TAFA2: variants seen among roughly 807,000 people sequenced by gnomAD.
The protein encoded by TAFA2 is chemokine-like protein TAFA-2.
In TAFA2, 7 loss-of-function variants were observed where a neutral mutation model predicts 18.8. The ratio of observed to expected loss-of-function variants is 0.37; its 90% CI spans 0.21 to 0.70. TAFA2 has a LOEUF of 0.70. TAFA2 is among the 30% of genes least tolerant of loss of function. TAFA2 has a pLI of 0.53. For synonymous variants in TAFA2, 60 were observed against 54.2 expected, an observed-to-expected ratio of 1.11 and a Z score of -0.47; for missense variants, 122 against 158.1, an observed-to-expected ratio of 0.77 and a Z score of 1.23.
At chr12:61,852,931 G>A (rs1010117763) in intron 2 of TAFA2, among the ~76,000 whole-genome samples, 4 of 151,960 alleles carry the variant, frequency 2.6e-5, no homozygotes, top group Non-Finnish European at 4.4e-5. Flanking sequence ...CTGGTCAAAG[G>A]GTACAAACCT....
At chr12:62,234,477 A>G in intron 1 of TAFA2, 1 of 1,070,758 alleles carries the variant, frequency 9.3e-7, no homozygotes, top group Non-Finnish European at 1.4e-6. Context: ...GTTGCTTGAG[A>G]TGGTCAGACC....
chr12:62,239,593 T>C (rs925156103), intron 1 of TAFA2, among the ~76,000 whole-genome samples: 1 of 152,198 alleles, frequency 6.6e-6, no homozygotes, highest in Non-Finnish European at 1.5e-5. Context: ...TATGCACTTC[T>C]ACCTTGTTTT....
intron 1 of TAFA2, among the ~76,000 whole-genome samples, chr12:62,240,119 A>C (rs926306675): frequency 3.3e-5 from 5 of 151,566 alleles, no homozygotes; most frequent in Non-Finnish European, 7.4e-5. Flanking sequence ...TATAATGATA[A>C]TAATAAAAAC....
intron 1 of TAFA2, among the ~76,000 whole-genome samples, chr12:62,094,228 C>T (rs1042282361): frequency 6.6e-6 from 1 of 151,912 alleles, no homozygotes; most frequent in Admixed American, 6.6e-5. Context: ...AGCCTCACTC[C>T]GGAATGGAAA....
At chr12:61,974,783 C>T (rs1879370730) in intron 1 of TAFA2, among the ~76,000 whole-genome samples, 1 of 151,660 alleles carries the variant, frequency 6.6e-6, no homozygotes, top group Non-Finnish European at 1.5e-5. Context: ...AATCTGTGTG[C>T]TACAAAAAGG....
chr12:61,864,735 T>C (rs937626880), intron 2 of TAFA2, among the ~76,000 whole-genome samples: 13 of 133,294 alleles, frequency 9.8e-5, no homozygotes, highest in African/African-American at 3.8e-4. Flanking sequence ...ATCACGCCAC[T>C]GCACTCTAGC....
At chr12:61,847,074 C>T (rs1207193902) in intron 2 of TAFA2, among the ~76,000 whole-genome samples, 1 of 152,206 alleles carries the variant, frequency 6.6e-6, no homozygotes, top group African/African-American at 2.4e-5. Context: ...GCAACTATCT[C>T]TTACTTTCAT....
chr12:62,227,570 G>A (rs985354172), intron 1 of TAFA2, among the ~76,000 whole-genome samples: 5 of 152,126 alleles, frequency 3.3e-5, no homozygotes. Context: ...CCATTCTGTA[G>A]GTTGTCTTTT....
rs567593045 is a variant in TAFA2, at chr12:62,210,801, T to C, written c.-130+47962A>G. On this transcript the variant is annotated intron_variant, in intron 1 of 5. Transcript: ENST00000551619. Reference sequence around the variant, plus strand: ...TAAAAAATAATAAGAATAGAGAAAATGAGATAGAACATAATCGTATGTGAG... The same window carrying C: ...TAAAAAATAATAAGAATAGAGAAAACGAGATAGAACATAATCGTATGTGAG... Among the ~76,000 whole-genome samples the C allele has an allele frequency of 1.1e-3, 165 of 151,824 alleles. 3 individuals are homozygous for C. In the South Asian group the frequency reaches 0.011, roughly 11 times the overall value.
intron 4 of TAFA2, among the ~76,000 whole-genome samples, chr12:61,736,867 T>C (rs1283525626): frequency 6.6e-6 from 1 of 152,014 alleles, no homozygotes; most frequent in Non-Finnish European, 1.5e-5. Context: ...CCTTGAAGCA[T>C]AAAACATTTC....
In TAFA2 at chr12:61,753,681, C is replaced by T; in HGVS notation, c.325G>A (p.Val109Ile). Residue 109 changes from valine (V) to isoleucine (I), a missense_variant, in exon 4 of 5, where the codon GTT (valine) becomes ATT (isoleucine). Physicochemically the swap from Val to Ile is conservative, Grantham distance 29. This residue lies in a region of TAFA2 where 60 missense variants were observed against 102.7 expected (regional missense o/e 0.58). Transcript: ENST00000416284. ...QPCLEGEECK[V>I]LPDRKGWSCS... ...CTCCATCCTTTCCGATCCGGAAGAA[C>T]TTTACATTCTTCTCCCTCTAGACAT... 1.2e-6 allele frequency: 2 copies of T among 1,612,292 alleles called. No homozygotes were observed. The highest frequency in any genetic ancestry group is 1.7e-6 in the Non-Finnish European group (2 of 1,178,756).
chr12:61,833,440 A>G (rs1357123199), intron 2 of TAFA2, among the ~76,000 whole-genome samples: 2 of 151,964 alleles, frequency 1.3e-5, no homozygotes, highest in African/African-American at 4.8e-5. Flanking sequence ...ATCTCCATCT[A>G]TGGTGTAAGA....
chr12:61,812,849 C>A lies in TAFA2; in HGVS notation c.106+54471G>T, dbSNP rs985037565. The stretch of plus-strand genomic sequence containing the variant: ...CCTCTCAAAATGCTGGGATTACAGG[C>A]ATGAGCCACCACGCCCAGCCAACTT... On this transcript the variant is annotated intron_variant, in intron 2 of 4. Transcript: ENST00000416284. Among the ~76,000 whole-genome samples, 6 of 151,496 alleles carry A rather than the reference C, an allele frequency of 4.0e-5. No individual in the cohort carries two copies. In the East Asian group the frequency reaches 1.2e-3, roughly 29 times the overall value.
intron 4 of TAFA2, among the ~76,000 whole-genome samples, chr12:61,743,139 T>C (rs1203780191): frequency 6.6e-6 from 1 of 152,076 alleles, no homozygotes; most frequent in Non-Finnish European, 1.5e-5. Context: ...CACACATTGT[T>C]ACCCCATGAA....
intron 1 of TAFA2, among the ~76,000 whole-genome samples, chr12:62,185,053 A>AAGTATAAAT (rs2062576869): frequency 6.6e-6 from 1 of 152,160 alleles, no homozygotes; most frequent in Admixed American, 6.5e-5. Context: ...AGGAGCAAAC[A>AAGTATAAAT]TACCTTCAAC....
At chr12:61,909,203 T>A (rs1484036281) in intron 1 of TAFA2, among the ~76,000 whole-genome samples, 1 of 152,206 alleles carries the variant, frequency 6.6e-6, no homozygotes, top group African/African-American at 2.4e-5. Flanking sequence ...TTTTCAAGGT[T>A]CCATTATTTT....
intron 1 of TAFA2, among the ~76,000 whole-genome samples, chr12:62,210,061 G>A (rs1359376333): frequency 1.3e-5 from 2 of 152,046 alleles, no homozygotes; most frequent in African/African-American, 2.4e-5. Context: ...TTAGCCGGGC[G>A]TGGTGGTGGG....
intron 2 of TAFA2, among the ~76,000 whole-genome samples, chr12:61,847,691 C>G (rs1873463499): frequency 1.3e-5 from 2 of 152,144 alleles, no homozygotes; most frequent in Admixed American, 6.6e-5. Flanking sequence ...AGTGCATCAC[C>G]TATCTTTGAC....
Position 62,191,319 on chromosome 12 carries a change from C to G in TAFA2, c.-62G>C, listed in dbSNP as rs569856081. On this transcript the variant is annotated 5_prime_UTR_variant, in exon 1 of 5. Coordinates refer to ENST00000416284, the MANE Select transcript of TAFA2 (RefSeq NM_178539.5). ...CGATGCTCCTGCAGCTTTTGCGGGCCGGCGCCAGCCTTATCGCTCTCGCAT... is the reference window on the plus strand; with the variant it reads ...CGATGCTCCTGCAGCTTTTGCGGGCGGGCGCCAGCCTTATCGCTCTCGCAT... 13 of 152,354 alleles carry G rather than the reference C, an allele frequency of 8.5e-5. No homozygotes were observed. Among genetic ancestry groups the G allele is most frequent in the African/African-American group, 3.1e-4 (13 of 41,582 alleles). 9.4% of individuals were successfully genotyped at this position (152,354 alleles called of 1,614,324 possible). A position where few individuals can be genotyped will look rare whatever the true frequency, so the allele number is the denominator to read the frequency against.
Sources: gnomAD v4.1 joint callset for allele counts (sites outside exome capture counted in the v4.1 genomes callset) on GRCh38, gnomAD v4.1.1 for gene constraint, gnomAD v4.1.1 regional missense constraint, MANE v1.5 for transcripts, NCBI Gene and HGNC (gene_info 2026-07-23, HGNC 2026-07-21) for gene names.